Variants in GALNT10 observed in about 807,000 individuals in gnomAD.
GALNT10 encodes polypeptide N-acetylgalactosaminyltransferase 10, also known as GalNAc transferase 10.
Under a neutral mutation model 75.0 loss-of-function variants are expected in GALNT10, and 41 were observed. The observed-to-expected ratio is 0.55, with a 90% CI of 0.43 to 0.71. The LOEUF (loss-of-function observed/expected upper bound fraction) is 0.71, where lower values mean the gene tolerates loss of function less well. Ranked by LOEUF, GALNT10 falls within the 30% of genes least tolerant of loss-of-function variation. GALNT10 has a pLI of 0.00. For missense variants in GALNT10, 727 were observed against 818.5 expected (o/e 0.89, Z 1.36); for synonymous variants, 302 against 313.0 (o/e 0.96, Z 0.37).
chr5:154,213,599 G>A (rs1561630519), intron 1 of GALNT10, among the ~76,000 whole-genome samples: 1 of 152,128 alleles, frequency 6.6e-6, no homozygotes, highest in Non-Finnish European at 1.5e-5. Context: ...TATGCCGTGG[G>A]GTTATTTTTT....
At chr5:154,339,508 TA>T (rs376917544) in intron 4 of GALNT10, among the ~76,000 whole-genome samples, 410 of 140,130 alleles carry the variant, frequency 2.9e-3, no homozygotes, top group African/African-American at 9.2e-3. Flanking sequence ...TTGTGCATCT[TA>T]AAAAAAAAAA....
intron 1 of GALNT10, among the ~76,000 whole-genome samples, chr5:154,250,791 A>G (rs977197431): frequency 5.9e-5 from 9 of 152,208 alleles, no homozygotes; most frequent in African/African-American, 2.2e-4. Context: ...CTTCCACAGT[A>G]TGCCCTGACT....
chr5:154,213,152 G>A (rs1337133047), intron 1 of GALNT10, among the ~76,000 whole-genome samples: 1 of 152,108 alleles, frequency 6.6e-6, no homozygotes, highest in Non-Finnish European at 1.5e-5. Context: ...TGAGCATTAG[G>A]TGCTATTGCT....
Position 154,192,761 on chromosome 5 carries a change from A to C in GALNT10, c.159+1736A>C, listed in dbSNP as rs547064766. Among the ~76,000 whole-genome samples, 5 of 152,290 alleles carry C rather than the reference A, an allele frequency of 3.3e-5. No homozygotes were observed. In the East Asian group the frequency reaches 9.7e-4, roughly 29 times the overall value. On this transcript the variant is annotated intron_variant, in intron 1 of 11. Coordinates refer to ENST00000297107, the MANE Select transcript of GALNT10 (RefSeq NM_198321.4). Reference sequence around the variant, plus strand: ...AGGTCAAGGGGGAGTGTCCTACCCTAGTGCAAACTCTCCTTTAGAATAGCT... The same window carrying C: ...AGGTCAAGGGGGAGTGTCCTACCCTCGTGCAAACTCTCCTTTAGAATAGCT...
chr5:154,226,270 G>T (rs1753064096), intron 1 of GALNT10, among the ~76,000 whole-genome samples: 1 of 152,108 alleles, frequency 6.6e-6, no homozygotes, highest in Non-Finnish European at 1.5e-5. Flanking sequence ...TGGTTGTCAT[G>T]TATTTTAGTT....
intron 3 of GALNT10, among the ~76,000 whole-genome samples, chr5:154,315,114 T>C (rs888428308): frequency 3.4e-5 from 5 of 145,962 alleles, no homozygotes; most frequent in Non-Finnish European, 7.5e-5. Flanking sequence ...AGAATCCAAT[T>C]ATTTTCACAA....
At chr5:154,210,507 T>TCAGCCCA (rs1207052328) in intron 1 of GALNT10, among the ~76,000 whole-genome samples, 1 of 152,086 alleles carries the variant, frequency 6.6e-6, no homozygotes, top group African/African-American at 2.4e-5. Context: ...ACCCCAACCC[T>TCAGCCCA]CAGCCCACTC....
chr5:154,394,533 G>T (rs1755977354), intron 7 of GALNT10, among the ~76,000 whole-genome samples: 1 of 152,148 alleles, frequency 6.6e-6, no homozygotes, highest in Admixed American at 6.5e-5. Context: ...AGATGCCCTG[G>T]CTCCAAGCCC....
chr5:154,371,759 G>A (rs1048206383), intron 4 of GALNT10, among the ~76,000 whole-genome samples: 3 of 152,010 alleles, frequency 2.0e-5, no homozygotes, highest in African/African-American at 7.3e-5. Context: ...CATTCTCCTT[G>A]CATTGGCTCT....
At position 154,377,013 on chromosome 5, in the gene GALNT10, G is replaced by C. The variant is rs1180294816; in HGVS notation, c.754+551G>C. ...AAGTGTCAAAGTCACCATCTGTCGG[G>C]CTCCAAAGTCTATTCTCCTTCGCAG... On this transcript the variant is annotated intron_variant, in intron 5 of 11. Transcript: ENST00000297107. 2.6e-5 allele frequency among the ~76,000 whole-genome samples: 4 copies of C among 152,334 alleles called. No homozygotes were observed. The East Asian group carries it at 7.7e-4, about 29-fold the overall frequency.
chr5:154,372,161 T>C (rs1399375274), intron 4 of GALNT10, among the ~76,000 whole-genome samples: 1 of 152,218 alleles, frequency 6.6e-6, no homozygotes, highest in African/African-American at 2.4e-5. Flanking sequence ...ACTTACTGTG[T>C]GGAGCTTGGA....
chr5:154,258,095 A>C (rs2113021625), intron 1 of GALNT10, among the ~76,000 whole-genome samples: 1 of 152,294 alleles, frequency 6.6e-6, no homozygotes, highest in South Asian at 2.1e-4. Context: ...AATAAACATG[A>C]GTATGTTATG....
At chr5:154,237,578 A>G (rs1019988481) in intron 1 of GALNT10, among the ~76,000 whole-genome samples, 3 of 152,154 alleles carry the variant, frequency 2.0e-5, no homozygotes, top group Non-Finnish European at 4.4e-5. Context: ...TGTTTCTCCA[A>G]TTGGGAAATC....
intron 1 of GALNT10, among the ~76,000 whole-genome samples, chr5:154,292,975 G>GTT (rs143787482): frequency 1.3e-5 from 2 of 151,394 alleles, no homozygotes; most frequent in Non-Finnish European, 2.9e-5. Flanking sequence ...AGTTTTTGTA[G>GTT]TTTTTTTTTC....
Position 154,412,938 on chromosome 5 carries a change from T to C in GALNT10, c.1436T>C (p.Leu479Ser). Residue 479 changes from leucine to serine, a missense_variant, in exon 10 of 12, where the codon TTG becomes TCG. Physicochemically the swap from Leu to Ser is moderately radical, Grantham distance 145. Coordinates refer to ENST00000297107, the MANE Select transcript of GALNT10 (RefSeq NM_198321.4). The surrounding 1 kb of genome is among the most constrained non-coding windows in gnomAD (Gnocchi z 4.2). The part of the protein sequence containing the change: ...GLCADTKHGA[L>S]GSPLRLEGCV... Reference sequence around the variant, plus strand: ...TGTGCAGACACAAAGCACGGGGCCTTGGGCTCCCCACTAAGGCTAGAGGGC... The same window carrying C: ...TGTGCAGACACAAAGCACGGGGCCTCGGGCTCCCCACTAAGGCTAGAGGGC... The C allele has an allele frequency of 6.2e-7, 1 of 1,613,848 alleles. No individual in the cohort carries two copies. The highest frequency in any genetic ancestry group is 8.5e-7 in the Non-Finnish European group (1 of 1,179,902).
intron 3 of GALNT10, among the ~76,000 whole-genome samples, chr5:154,319,080 G>A (rs546148317): frequency 6.6e-6 from 1 of 152,314 alleles, no homozygotes; most frequent in South Asian, 2.1e-4. Flanking sequence ...GACTACCATT[G>A]CTTTGACCCT....
intron 1 of GALNT10, among the ~76,000 whole-genome samples, chr5:154,215,147 C>T (rs1301425692): frequency 6.6e-6 from 1 of 152,200 alleles, no homozygotes; most frequent in Non-Finnish European, 1.5e-5. Context: ...TTCAGTACGA[C>T]GTGTCACCCT....
chr5:154,408,862 C>T (rs1756336872), intron 8 of GALNT10, among the ~76,000 whole-genome samples: 1 of 152,126 alleles, frequency 6.6e-6, no homozygotes, highest in Non-Finnish European at 1.5e-5. Flanking sequence ...GCTTCTGTAA[C>T]TGGAAAGTCC....
intron 1 of GALNT10, among the ~76,000 whole-genome samples, chr5:154,286,208 A>ACC (rs1754108720): frequency 6.6e-6 from 1 of 152,008 alleles, no homozygotes; most frequent in Non-Finnish European, 1.5e-5. Context: ...TGAGAGTAGG[A>ACC]CCCCGTCCGT....
Sources: allele counts gnomAD v4.1 joint callset (sites outside exome capture counted in the v4.1 genomes callset), GRCh38; gene constraint gnomAD v4.1.1; non-coding constraint Gnocchi (gnomAD v3.1); transcripts MANE v1.5; gene names NCBI Gene and HGNC (gene_info 2026-07-23, HGNC 2026-07-21).